The following GPR89A variants were observed in gnomAD, a reference collection of about 807,000 sequenced individuals.
GPR89A encodes G protein-coupled receptor 89A.
In GPR89A, 16 loss-of-function variants were observed where a neutral mutation model predicts 52.0. The observed-to-expected ratio is 0.31, with a 90% CI of 0.21 to 0.47. GPR89A has a LOEUF of 0.47. Among genes scored for constraint, GPR89A ranks in the 20% least tolerant of loss-of-function variants. GPR89A has a pLI of 1.00. For synonymous variants in GPR89A, 55 were observed against 150.9 expected (o/e 0.36, Z 4.66); for missense variants, 135 against 449.4 (o/e 0.30, Z 6.33).
intron 10 of GPR89A, 32 bp from the exon 11 acceptor site, chr1:145,663,297 A>G (rs1652329843): frequency 6.2e-7 from 1 of 1,608,168 alleles, no homozygotes; most frequent in South Asian, 1.1e-5. Flanking sequence ...GATTGTTAAG[A>G]TGCTCCAAGG....
At chr1:145,648,829 GTCTC>G (rs1651244410) in intron 10 of GPR89A, among the ~76,000 whole-genome samples, 2 of 122,866 alleles carry the variant, frequency 1.6e-5, no homozygotes, top group Admixed American at 8.6e-5. Context: ...TGAAGACGGA[GTCTC>G]TCTCTGTCTC....
At position 145,665,267 on chromosome 1, in the gene GPR89A, G is replaced by T. The variant is rs587665379; in HGVS notation, c.1006-295G>T. Among the ~76,000 whole-genome samples, 918 of 151,958 alleles carry T rather than the reference G, an allele frequency of 6.0e-3. 6 individuals are homozygous for T. Among genetic ancestry groups the T allele is most frequent in the Middle Eastern group, 0.01 (3 of 294 alleles). ...GGAGGCTGATGTGGGAGTATTGCTT[G>T]AGCCCAGGAGTTTGAGACGAGCCTG... is the stretch of plus-strand genomic sequence containing the variant. On this transcript the variant is annotated intron_variant, in intron 11 of 13. Coordinates refer to ENST00000313835, the MANE Select transcript of GPR89A (RefSeq NM_001097612.2).
chr1:145,648,826 G>A (rs1340324822), intron 10 of GPR89A, among the ~76,000 whole-genome samples: 1 of 81,714 alleles, frequency 1.2e-5, no homozygotes, highest in Non-Finnish European at 2.3e-5. Context: ...TGTTGAAGAC[G>A]GAGTCTCTCT....
chr1:145,653,294 T>C (rs1651589213), intron 10 of GPR89A, among the ~76,000 whole-genome samples: 1 of 145,798 alleles, frequency 6.9e-6, no homozygotes, highest in Admixed American at 6.9e-5. Context: ...TTTGAGTTAG[T>C]TTCTTAGTCT....
chr1:145,622,873 T>G (rs1159794890), intron 3 of GPR89A, among the ~76,000 whole-genome samples, 181 bp from the exon 4 acceptor site: 2 of 152,112 alleles, frequency 1.3e-5, no homozygotes, highest in Non-Finnish European at 2.9e-5. Context: ...ATATATACCT[T>G]TCAAAAATTT....
intron 10 of GPR89A, among the ~76,000 whole-genome samples, chr1:145,658,508 C>T (rs1297490003): frequency 2.7e-5 from 4 of 150,734 alleles, no homozygotes; most frequent in East Asian, 1.9e-4. Flanking sequence ...ATGCTTGTGG[C>T]CCCAGCTACT....
chr1:145,661,478 CT>C (rs1388113796), intron 10 of GPR89A, among the ~76,000 whole-genome samples: 3 of 146,096 alleles, frequency 2.1e-5, no homozygotes, highest in African/African-American at 7.5e-5. Flanking sequence ...AAAATAAAAA[CT>C]TTTTTATTAT....
intron 10 of GPR89A, among the ~76,000 whole-genome samples, chr1:145,660,020 T>A (rs1652087649): frequency 6.6e-6 from 1 of 151,908 alleles, no homozygotes; most frequent in Non-Finnish European, 1.5e-5. Context: ...GGTATTTTAT[T>A]CTCTTTGAAG....
intron 10 of GPR89A, among the ~76,000 whole-genome samples, chr1:145,658,104 A>G (rs587660665): frequency 1.5e-4 from 23 of 151,920 alleles, no homozygotes; most frequent in African/African-American, 5.5e-4. Context: ...TGTTTCATAT[A>G]AATGGAATCA....
intron 12 of GPR89A, among the ~76,000 whole-genome samples, chr1:145,667,295 G>C (rs1652634417): frequency 6.6e-6 from 1 of 152,136 alleles, no homozygotes; most frequent in South Asian, 2.1e-4. Context: ...GTGTGAGATG[G>C]TATCTCATTG....
At position 145,610,706 on chromosome 1, in the gene GPR89A, TCATTTGC is replaced by T. The variant is rs1559019150; in HGVS notation, c.42+2536_42+2542del. On this transcript the variant is annotated intron_variant, in intron 1 of 13. Coordinates refer to ENST00000313835, the MANE Select transcript of GPR89A (RefSeq NM_001097612.2). ...CTCCTTGAGAGTAGCATTCATGCTC[TCATTTGC>T]CATTCTATCCCTTGGACCTGGCACA... Among the ~76,000 whole-genome samples the T allele has an allele frequency of 1.2e-4, 19 of 152,338 alleles. No homozygotes were observed. In the South Asian group the frequency reaches 3.9e-3, roughly 32 times the overall value.
chr1:145,661,522 T>A (rs1471097434), intron 10 of GPR89A, among the ~76,000 whole-genome samples: 1 of 142,818 alleles, frequency 7.0e-6, no homozygotes, highest in Non-Finnish European at 1.5e-5. Flanking sequence ...GTGATGTCTC[T>A]CTTGTTCTTA....
At chr1:145,630,147 G>A (rs1467007649) in intron 5 of GPR89A, among the ~76,000 whole-genome samples, 25 of 143,994 alleles carry the variant, frequency 1.7e-4, no homozygotes, top group Non-Finnish European at 4.5e-5. Context: ...CGAAACTGAT[G>A]TGTTTGCCTT....
chr1:145,650,020 T>C (rs1265863753), intron 10 of GPR89A, among the ~76,000 whole-genome samples: 3 of 149,316 alleles, frequency 2.0e-5, no homozygotes, highest in African/African-American at 7.4e-5. Flanking sequence ...ATGTGCAGGA[T>C]GTGCAAGTTT....
Position 145,660,297 on chromosome 1 carries a change from T to C in GPR89A, c.910-3032T>C, listed in dbSNP as rs371744937. 9.9e-4 allele frequency among the ~76,000 whole-genome samples: 151 copies of C among 152,158 alleles called. 2 individuals are homozygous for C. The East Asian group carries it at 0.027, about 27-fold the overall frequency. ...CCTTCCTTACACCTTATACAAAAAT[T>C]AATTCAAGATGGATTAAAGACTTAA... is the stretch of plus-strand genomic sequence containing the variant. On this transcript the variant is annotated intron_variant, in intron 10 of 13. Transcript: ENST00000313835.
chr1:145,625,806 A>G (rs1362840830), intron 5 of GPR89A, among the ~76,000 whole-genome samples: 1 of 149,904 alleles, frequency 6.7e-6, no homozygotes, highest in Non-Finnish European at 1.5e-5. Context: ...CAAGGTATCT[A>G]TATCATCTAT....
chr1:145,668,468 T>G (rs1274011250), intron 12 of GPR89A, among the ~76,000 whole-genome samples: 4 of 152,318 alleles, frequency 2.6e-5, no homozygotes, highest in East Asian at 3.9e-4. Context: ...AAGGAGATTT[T>G]GGGCTGAGAC....
intron 10 of GPR89A, among the ~76,000 whole-genome samples, chr1:145,662,932 A>G (rs1229368434): frequency 2.6e-5 from 4 of 151,384 alleles, no homozygotes; most frequent in African/African-American, 9.7e-5. Context: ...CTTATTAGCT[A>G]TAACTCCTTT....
chr1:145,634,361 G>A (rs1183662463), intron 7 of GPR89A, among the ~76,000 whole-genome samples: 6 of 151,848 alleles, frequency 4.0e-5, no homozygotes, highest in East Asian at 1.9e-4. Context: ...GATTACAGGC[G>A]TGAGCCACCA....
Sources: allele counts gnomAD v4.1 joint callset (sites outside exome capture counted in the v4.1 genomes callset), GRCh38; gene constraint gnomAD v4.1.1; transcripts MANE v1.5; gene names NCBI Gene and HGNC (gene_info 2026-07-23, HGNC 2026-07-21).